RPS6KA2: variants seen among roughly 807,000 people sequenced by gnomAD.
RPS6KA2 encodes the protein ribosomal protein S6 kinase A2, also known as ribosomal protein S6 kinase alpha-2.
RPS6KA2 carries 42 observed loss-of-function variants against 91.8 expected under a neutral mutation model. The observed-to-expected ratio is 0.46, with a 90% CI of 0.36 to 0.59. RPS6KA2 has a LOEUF of 0.59. Ranked by LOEUF, RPS6KA2 falls within the 20% of genes least tolerant of loss-of-function variation. The pLI is 0.00. For synonymous variants in RPS6KA2, 414 were observed against 393.6 expected (o/e 1.05, Z -0.61); for missense variants, 798 against 978.5 (o/e 0.82, Z 2.46).
intron 2 of RPS6KA2, chr6:166,702,774 C>G (rs7761519): frequency 0.91 from 1,057,789 of 1,166,240 alleles, 480,111 homozygotes; most frequent in South Asian, 0.97. Flanking sequence ...TGGCGTCCTT[C>G]AAGATACCTT....
At chr6:166,857,487 T>C (rs1389118441) in intron 2 of RPS6KA2, among the ~76,000 whole-genome samples, 1 of 152,244 alleles carries the variant, frequency 6.6e-6, no homozygotes, top group African/African-American at 2.4e-5. Context: ...GATACACTTA[T>C]CGTTACCAAA....
chr6:166,510,553 T>A (rs12110763), intron 3 of RPS6KA2, among the ~76,000 whole-genome samples, 196 bp from the exon 4 acceptor site: 26 of 54,092 alleles, frequency 4.8e-4, no homozygotes, highest in African/African-American at 2.0e-3. Context: ...TTTCTCTCTC[T>A]CATATATATA....
At chr6:166,550,444 A>T (rs900300841) in intron 1 of RPS6KA2, among the ~76,000 whole-genome samples, 7 of 46,250 alleles carry the variant, frequency 1.5e-4, no homozygotes, top group Admixed American at 5.4e-4. Context: ...ATTAATTGGT[A>T]AAAAAAAAGA....
chr6:166,528,066 C>T (rs1032421827), intron 3 of RPS6KA2, among the ~76,000 whole-genome samples: 5 of 152,146 alleles, frequency 3.3e-5, no homozygotes, highest in Admixed American at 2.0e-4. Flanking sequence ...CTTGGTGAAC[C>T]GCCTAGGAGT....
rs1358630738 is a variant in RPS6KA2 at position 166,648,969 on chromosome 6, G to A, written c.124-110185C>T. Among the ~76,000 whole-genome samples, 1 of 152,084 alleles carries A rather than the reference G, an allele frequency of 6.6e-6. No homozygotes were observed. The highest frequency in any genetic ancestry group is 1.5e-5 in the Non-Finnish European group (1 of 68,004). The stretch of plus-strand genomic sequence containing the variant: ...CACCTCATGCCAGCCCTACTAATGG[G>A]CTCCTTCCTTCGCCCCTCCTCCAGT... On this transcript the variant is annotated intron_variant, in intron 2 of 21. Transcript: ENST00000503859. The surrounding 1 kb of genome is among the most constrained non-coding windows in gnomAD (Gnocchi z 4.8).
intron 10 of RPS6KA2, among the ~76,000 whole-genome samples, chr6:166,472,346 G>T (rs542709301): frequency 6.6e-6 from 1 of 152,314 alleles, no homozygotes; most frequent in South Asian, 2.1e-4. Context: ...AGAGGCAGAG[G>T]AAATACAGGT....
intron 2 of RPS6KA2, among the ~76,000 whole-genome samples, chr6:166,809,089 CA>C (rs1425725713): frequency 6.6e-6 from 1 of 152,126 alleles, no homozygotes; most frequent in African/African-American, 2.4e-5. Context: ...CACAGAAGCT[CA>C]GCATCACAAG....
At position 166,665,114 on chromosome 6, in the gene RPS6KA2, T is replaced by A. The variant is rs1357830119; in HGVS notation, c.124-126330A>T. On this transcript the variant is annotated intron_variant, in intron 2 of 21. Transcript: ENST00000503859. The surrounding 1 kb of genome is among the most constrained non-coding windows in gnomAD (Gnocchi z 4.5). ...AAAATTAGCCAGGCATGGTGGCGTG[T>A]AGCCTTCAGTCTCATAGCTGTCAGG... Among the ~76,000 whole-genome samples the A allele has an allele frequency of 6.6e-6, 1 of 152,166 alleles. No homozygotes were observed. Among genetic ancestry groups the A allele is most frequent in the Non-Finnish European group, 1.5e-5 (1 of 68,034 alleles).
At chr6:166,513,539 C>T (rs1238279316) in intron 3 of RPS6KA2, among the ~76,000 whole-genome samples, 2 of 152,186 alleles carry the variant, frequency 1.3e-5, no homozygotes, top group Admixed American at 1.3e-4. Context: ...AGTTAGGTAG[C>T]TCCTGGTAGC....
At chr6:166,654,362 A>T (rs1290274187) in intron 2 of RPS6KA2, among the ~76,000 whole-genome samples, 1 of 151,958 alleles carries the variant, frequency 6.6e-6, no homozygotes, top group African/African-American at 2.4e-5. Flanking sequence ...AGCTGCATCG[A>T]GCATGAAAGG....
In RPS6KA2 at chr6:166,423,215, G is replaced by C; in HGVS notation, c.1743+41C>G. The C allele has an allele frequency of 6.4e-7, 1 of 1,572,292 alleles. No individual in the cohort carries two copies. The highest frequency in any genetic ancestry group is 8.7e-7 in the Non-Finnish European group (1 of 1,152,820). On this transcript the variant is annotated intron_variant, in intron 17 of 20. Coordinates refer to ENST00000265678, the MANE Select transcript of RPS6KA2 (RefSeq NM_021135.6). This position sits in a 1 kb window ranked among gnomAD's most constrained non-coding sequence, Gnocchi z 4.8. The stretch of plus-strand genomic sequence containing the variant: ...GTGGGAGGGGGCAGAGCCTGTCTTT[G>C]CGGATAGAGAGGCCTGGGTCTGCAG...
At chr6:166,572,785 AGCAAC>A (rs1784728153) in intron 1 of RPS6KA2, among the ~76,000 whole-genome samples, 1 of 152,212 alleles carries the variant, frequency 6.6e-6, no homozygotes, top group Non-Finnish European at 1.5e-5. Flanking sequence ...CCGCGTCACT[AGCAAC>A]GGCACACGTG....
intron 12 of RPS6KA2, among the ~76,000 whole-genome samples, chr6:166,453,254 A>G (rs1363976489): frequency 6.6e-6 from 1 of 152,064 alleles, no homozygotes; most frequent in Non-Finnish European, 1.5e-5. Context: ...GACCAGCATA[A>G]GAAATCATCA....
chr6:166,473,258 G>T (rs926043143), intron 10 of RPS6KA2, among the ~76,000 whole-genome samples: 3 of 151,874 alleles, frequency 2.0e-5, no homozygotes, highest in African/African-American at 4.8e-5. Flanking sequence ...TGGCATGATC[G>T]TGACTCACTG....
At chr6:166,489,686 T>C (rs1781526054) in intron 9 of RPS6KA2, among the ~76,000 whole-genome samples, 1 of 152,072 alleles carries the variant, frequency 6.6e-6, no homozygotes, top group African/African-American at 2.4e-5. Flanking sequence ...CAATTCAAGG[T>C]CCCTTGATGG....
chr6:166,616,337 G>A (rs968300945), intron 1 of RPS6KA2, among the ~76,000 whole-genome samples: 9 of 152,184 alleles, frequency 5.9e-5, no homozygotes, highest in African/African-American at 2.2e-4. Flanking sequence ...CCCCAACCCC[G>A]ACGCATGGAT....
chr6:166,429,427 A>C (rs1349907518), intron 16 of RPS6KA2, among the ~76,000 whole-genome samples: 1 of 152,004 alleles, frequency 6.6e-6, no homozygotes, highest in African/African-American at 2.4e-5. Flanking sequence ...CCTAAAACTT[A>C]AAGTATAATA....
rs1394273819 is a variant in RPS6KA2 at position 166,500,835 on chromosome 6, G to T, written c.604+52C>A. The T allele has an allele frequency of 1.3e-6, 2 of 1,545,494 alleles. No individual in the cohort carries two copies. The highest frequency in any genetic ancestry group is 1.4e-5 in the African/African-American group (1 of 73,614). ...CTTGGGCTTTGAGGTGGTCCCCAAA[G>T]GTACCAGGGCTGAGATGAAGCCATG... is the stretch of plus-strand genomic sequence containing the variant. On this transcript the variant is annotated intron_variant, in intron 7 of 20. Transcript: ENST00000265678. This position sits in a 1 kb window ranked among gnomAD's most constrained non-coding sequence, Gnocchi z 4.3.
chr6:166,752,542 A>C (rs1003076464), intron 2 of RPS6KA2, among the ~76,000 whole-genome samples: 1 of 152,234 alleles, frequency 6.6e-6, no homozygotes, highest in African/African-American at 2.4e-5. Flanking sequence ...TGGGTTATTA[A>C]ATATTTAATT....
Sources: gnomAD v4.1 joint callset for allele counts (sites outside exome capture counted in the v4.1 genomes callset) on GRCh38, gnomAD v4.1.1 for gene constraint, Gnocchi (gnomAD v3.1) non-coding constraint, MANE v1.5 for transcripts, NCBI Gene and HGNC (gene_info 2026-07-23, HGNC 2026-07-21) for gene names.